Variants in MYO18B observed in about 807,000 individuals in gnomAD.
MYO18B encodes the protein myosin XVIIIB.
MYO18B carries 204 observed loss-of-function variants against 273.0 expected under a neutral mutation model. The ratio of observed to expected loss-of-function variants is 0.75; its 90% CI spans 0.67 to 0.84. MYO18B has a LOEUF of 0.84. MYO18B is among the 40% of genes least tolerant of loss of function. The probability of loss-of-function intolerance (pLI) is 0.00; values close to 1 mark genes in which losing one functional copy is unlikely to be tolerated. For synonymous variants in MYO18B, 1,330 were observed against 1,305.7 expected (o/e 1.02, Z -0.40); for missense variants, 3,212 against 3,287.6 (o/e 0.98, Z 0.56).
At chr22:25,798,132 A>G (rs766321288) in intron 12 of MYO18B, 35 bp downstream of exon 12, 2 of 1,569,160 alleles carry the variant, frequency 1.3e-6, no homozygotes, top group Non-Finnish European at 1.7e-6. Flanking sequence ...CTGGGAGGGC[A>G]GCTGTCTCCT....
intron 21 of MYO18B, among the ~76,000 whole-genome samples, chr22:25,862,847 G>GC (rs376331683): frequency 3.0e-3 from 348 of 114,460 alleles, no homozygotes; most frequent in African/African-American, 0.014. Context: ...CTTTTTTTTT[G>GC]GGGGGGGGTG....
At position 25,755,791 on chromosome 22, in the gene MYO18B, C is replaced by G. The variant is rs371597211; in HGVS notation, c.-109-5193C>G. The stretch of plus-strand genomic sequence containing the variant: ...CCTCTCTCATCACGTGATGCCAGCT[C>G]CCCTTCTCCTGCGGTTATTGGAAGC... On this transcript the variant is annotated intron_variant, in intron 1 of 43. Transcript: ENST00000335473. 6.6e-4 allele frequency among the ~76,000 whole-genome samples: 100 copies of G among 152,318 alleles called. 3 individuals carry two copies. In the South Asian group the frequency reaches 0.02, roughly 30 times the overall value.
chr22:25,753,223 C>A (rs528741328), intron 1 of MYO18B, among the ~76,000 whole-genome samples: 11 of 116,156 alleles, frequency 9.5e-5, no homozygotes, highest in African/African-American at 3.9e-4. Flanking sequence ...GCCTCCCGGT[C>A]GGCAGGGGCG....
At chr22:25,850,909 A>G (rs2090406951) in intron 20 of MYO18B, among the ~76,000 whole-genome samples, 1 of 152,140 alleles carries the variant, frequency 6.6e-6, no homozygotes, top group Admixed American at 6.5e-5. Context: ...TTTTCTCCCA[A>G]CAGCTTTTCA....
At chr22:25,914,618 A>T (rs2092225518) in intron 33 of MYO18B, among the ~76,000 whole-genome samples, 1 of 144,480 alleles carries the variant, frequency 6.9e-6, no homozygotes. Context: ...TTCATACTTC[A>T]TCTGTAGGCT....
Position 25,770,885 on chromosome 22 carries a change from G to A in MYO18B, c.1593G>A (p.Lys531=), listed in dbSNP as rs746547107. ...KDGFTLATVL[K]PDEGTADLPA... is the part of the protein sequence containing the mutation. ...ATGTCCAACCAGCTACGGTGCTAAA[G>A]CCAGATGAGGGAACAGCAGACCTGC... The change falls in exon 6 of 44, where the codon AAG becomes AAA. Residue 531 remains lysine (K), a synonymous_variant. Transcript: ENST00000335473. 6.4e-7 allele frequency: 1 copy of A among 1,551,892 alleles called. No homozygotes were observed. The highest frequency in any genetic ancestry group is 1.2e-5 in the South Asian group (1 of 84,042).
intron 22 of MYO18B, among the ~76,000 whole-genome samples, chr22:25,869,311 G>A (rs921671899): frequency 3.3e-5 from 5 of 151,934 alleles, no homozygotes; most frequent in East Asian, 1.9e-4. Context: ...TTATCTGGGC[G>A]TGGTGGTGTG....
chr22:25,861,231 G>A (rs181100694), intron 21 of MYO18B, among the ~76,000 whole-genome samples: 42 of 152,038 alleles, frequency 2.8e-4, no homozygotes, highest in Middle Eastern at 3.4e-3. Context: ...TTGAGAGTCA[G>A]GTATTACGCT....
rs537363584 is a variant in MYO18B at position 25,757,264 on chromosome 22, T to C, written c.-109-3720T>C. Among the ~76,000 whole-genome samples, 155 of 152,208 alleles carry C rather than the reference T, an allele frequency of 1.0e-3. 1 individual carries two copies. The highest frequency in any genetic ancestry group is 2.8e-3 in the Admixed American group (43 of 15,290). ...TTATTTATAATAGCCACCTTCTAGT[T>C]AAGTCACTGAAGGGCAGCTACTTCC... On this transcript the variant is annotated intron_variant, in intron 1 of 43. Coordinates refer to ENST00000335473, the MANE Select transcript of MYO18B (RefSeq NM_032608.7).
intron 35 of MYO18B, among the ~76,000 whole-genome samples, chr22:25,947,135 A>G (rs901622580): frequency 6.6e-6 from 1 of 152,062 alleles, no homozygotes; most frequent in African/African-American, 2.4e-5. Context: ...ACATACACAT[A>G]CATGCGCACA....
intron 21 of MYO18B, among the ~76,000 whole-genome samples, chr22:25,861,091 C>T (rs1203678734): frequency 2.0e-5 from 3 of 152,036 alleles, no homozygotes; most frequent in Admixed American, 6.6e-5. Context: ...ACTGTGTTGC[C>T]TAGTCTGGTC....
In MYO18B at chr22:26,003,245, T is replaced by C. The variant is rs1934130888; in HGVS notation, c.6288-20T>C. 6.2e-7 allele frequency: 1 copy of C among 1,603,858 alleles called. No individual in the cohort carries two copies. Among genetic ancestry groups the C allele is most frequent in the Non-Finnish European group, 8.5e-7 (1 of 1,175,096 alleles). The stretch of plus-strand genomic sequence containing the variant: ...CTGGCAGCACGAGGATAACACACTC[T>C]TTCTTGTGCCTCTTACTAGTGTCCA... On this transcript the variant is annotated intron_variant, in intron 40 of 43. Coordinates refer to ENST00000335473, the MANE Select transcript of MYO18B (RefSeq NM_032608.7).
intron 40 of MYO18B, among the ~76,000 whole-genome samples, chr22:25,997,978 C>CGAGAGAGAGAGA (rs5844669): frequency 0.027 from 3,943 of 144,474 alleles, 177 homozygotes; most frequent in African/African-American, 0.089. Context: ...CACACACACA[C>CGAGAGAGAGAGA]GAGAGAGAGA....
intron 12 of MYO18B, among the ~76,000 whole-genome samples, chr22:25,808,881 T>C (rs1424824218): frequency 1.3e-5 from 2 of 152,138 alleles, no homozygotes; most frequent in African/African-American, 2.4e-5. Flanking sequence ...GCATTATTGT[T>C]ATTAACGAAA....
intron 11 of MYO18B, among the ~76,000 whole-genome samples, chr22:25,785,761 T>G (rs568321621): frequency 6.6e-6 from 1 of 152,290 alleles, no homozygotes; most frequent in South Asian, 2.1e-4. Flanking sequence ...CTCTGACACT[T>G]GTTACGTAGG....
intron 34 of MYO18B, among the ~76,000 whole-genome samples, chr22:25,940,357 T>TAGG (rs776949327): frequency 3.9e-5 from 6 of 152,180 alleles, no homozygotes; most frequent in Non-Finnish European, 7.4e-5. Context: ...AGACATGCCT[T>TAGG]TGCTTCTCCT....
At chr22:26,015,169 C>T (rs979390114) in intron 42 of MYO18B, among the ~76,000 whole-genome samples, 1 of 152,132 alleles carries the variant, frequency 6.6e-6, no homozygotes, top group Non-Finnish European at 1.5e-5. Flanking sequence ...AGGTTGTCTT[C>T]CAGAGTTTTT....
At chr22:25,976,059 G>C (rs1359586157) in intron 39 of MYO18B, among the ~76,000 whole-genome samples, 2 of 152,112 alleles carry the variant, frequency 1.3e-5, no homozygotes, top group East Asian at 3.9e-4. Flanking sequence ...TGTCCCCCCA[G>C]GGAACATTAG....
chr22:25,958,395 C>T (rs1182743480), intron 39 of MYO18B, among the ~76,000 whole-genome samples: 3 of 152,200 alleles, frequency 2.0e-5, no homozygotes, highest in Admixed American at 6.5e-5. Flanking sequence ...CAAAGCTCCA[C>T]GAATAAGGTC....
Sources: allele counts gnomAD v4.1 joint callset (sites outside exome capture counted in the v4.1 genomes callset), GRCh38; gene constraint gnomAD v4.1.1; transcripts MANE v1.5; gene names NCBI Gene and HGNC (gene_info 2026-07-23, HGNC 2026-07-21).